The following HEXD variants were observed in gnomAD, a reference collection of about 807,000 sequenced individuals.
The protein encoded by HEXD is N-acetyl-beta-galactosaminidase.
A neutral mutation model predicts 54.2 loss-of-function variants in HEXD; 47 were observed. That is an observed-to-expected ratio of 0.87 (90% CI 0.69 to 1.11). The LOEUF is 1.11. Ranked by LOEUF, HEXD falls within the 50% of genes least tolerant of loss-of-function variation. The pLI, the probability that HEXD is intolerant of heterozygous loss-of-function variation, is 0.00. For missense variants in HEXD, 576 were observed against 649.2 expected, an observed-to-expected ratio of 0.89 and a Z score of 1.23; for synonymous variants, 293 against 287.6, an observed-to-expected ratio of 1.02 and a Z score of -0.19.
chr17:82,439,547 C>T (rs2053866840), intron 8 of HEXD, 84 bp from the exon 9 acceptor site: 1 of 1,494,638 alleles, frequency 6.7e-7, no homozygotes, highest in Non-Finnish European at 8.9e-7. Context: ...CCTGGAACAA[C>T]AGCAGGGACG....
At chr17:82,438,815 C>T (rs562388868) in intron 8 of HEXD, among the ~76,000 whole-genome samples, 2 of 152,396 alleles carry the variant, frequency 1.3e-5, no homozygotes, top group East Asian at 3.9e-4. Flanking sequence ...CTGGCAGCGG[C>T]TCTGCAGAAG....
At chr17:82,441,768 C>A (rs1299636208) in intron 11 of HEXD, 32 bp from the exon 12 acceptor site, 1 of 1,590,752 alleles carries the variant, frequency 6.3e-7, no homozygotes, top group Non-Finnish European at 8.6e-7. Flanking sequence ...CCTTGGTAGC[C>A]CGCGGCACAC....
intron 4 of HEXD, among the ~76,000 whole-genome samples, chr17:82,432,175 G>C (rs778088821): frequency 6.6e-6 from 1 of 152,194 alleles, no homozygotes; most frequent in Non-Finnish European, 1.5e-5. Flanking sequence ...GGGCGGTGGG[G>C]GGTGCATCCC....
chr17:82,430,814 A>G (rs1307838945), intron 4 of HEXD, among the ~76,000 whole-genome samples: 1 of 151,896 alleles, frequency 6.6e-6, no homozygotes, highest in African/African-American at 2.4e-5. Context: ...TGTAATTTGC[A>G]GGTATTCTCC....
intron 2 of HEXD, among the ~76,000 whole-genome samples, chr17:82,421,322 G>A (rs989014443): frequency 6.6e-6 from 1 of 152,130 alleles, no homozygotes; most frequent in African/African-American, 2.4e-5. Context: ...CCCCCACTAA[G>A]GACAAAACAG....
intron 12 of HEXD, 56 bp downstream of exon 12, chr17:82,441,945 C>G (rs2053992737): frequency 7.2e-6 from 11 of 1,532,106 alleles, no homozygotes; most frequent in South Asian, 6.7e-5. Flanking sequence ...AGAACTGCTG[C>G]TGTTGCTGAC....
chr17:82,424,534 C>A, intron 3 of HEXD, 31 bp downstream of exon 3: 1 of 1,513,942 alleles, frequency 6.6e-7, no homozygotes, highest in South Asian at 1.1e-5. Flanking sequence ...TACAGGGGCG[C>A]GGCGTGAAAG....
At chr17:82,437,676 G>A (rs1008259292) in intron 8 of HEXD, among the ~76,000 whole-genome samples, 11 of 152,046 alleles carry the variant, frequency 7.2e-5, no homozygotes, top group Non-Finnish European at 1.3e-4. Context: ...GAGGGGTTTC[G>A]GTTCTTTCAG....
intron 3 of HEXD, among the ~76,000 whole-genome samples, 196 bp from the exon 4 acceptor site, chr17:82,428,362 G>C (rs1238086438): frequency 6.6e-6 from 1 of 152,180 alleles, no homozygotes; most frequent in Admixed American, 6.5e-5. Flanking sequence ...TTGAGGACGT[G>C]CTAGAACATC....
intron 5 of HEXD, among the ~76,000 whole-genome samples, chr17:82,435,137 C>T (rs1455525092): frequency 6.6e-6 from 1 of 152,220 alleles, no homozygotes; most frequent in Non-Finnish European, 1.5e-5. Context: ...GGCAACAGAG[C>T]AAGACCCTGT....
Position 82,442,018 on chromosome 17 carries a change from T to C in HEXD, c.1253+129T>C, listed in dbSNP as rs2053996829. ...TTGTAAAAGGCCCTCTGGTCTCAGA[T>C]GTGCAGCTGTCACCGACTTGTTCCT... is the stretch of plus-strand genomic sequence containing the variant. On this transcript the variant is annotated intron_variant, in intron 12 of 12. Coordinates refer to ENST00000327949, the MANE Select transcript of HEXD (RefSeq NM_001330542.2). The surrounding 1 kb of genome is among the most constrained non-coding windows in gnomAD (Gnocchi z 6.8). The C allele has an allele frequency of 3.1e-6, 4 of 1,288,206 alleles. No individual in the cohort carries two copies. Among genetic ancestry groups the C allele is most frequent in the Non-Finnish European group, 3.3e-6 (3 of 910,540 alleles). 79.8% of individuals were successfully genotyped at this position (1,288,206 alleles called of 1,614,324 possible).
rs373585858 is a variant in HEXD, at chr17:82,436,680, G to A, written c.645G>A (p.Pro215=). 1.4e-3 allele frequency: 2,221 copies of A among 1,611,154 alleles called. 5 individuals carry two copies. Among genetic ancestry groups the A allele is most frequent in the Non-Finnish European group, 1.5e-3 (1,790 of 1,179,396 alleles). ...CTCTGTCTGCAGCGTCCGGGGTGCC[G>A]CAGCTGGTGGAGCCGGTGCTCTGGG... ...PEDQLAASGV[P]QLVEPVLWDY... The change falls in exon 7 of 13, where the codon CCG becomes CCA. Residue 215 remains proline, a synonymous_variant. Coordinates refer to ENST00000327949, the MANE Select transcript of HEXD (RefSeq NM_001330542.2).
chr17:82,436,205 C>T (rs1292022172), intron 6 of HEXD, among the ~76,000 whole-genome samples: 4 of 152,260 alleles, frequency 2.6e-5, no homozygotes, highest in Admixed American at 6.5e-5. Context: ...GCCCTGCTCG[C>T]TCTGCCTGAG....
intron 4 of HEXD, among the ~76,000 whole-genome samples, chr17:82,433,106 ATATATATATATATATATATATAT>A (rs2053641497): frequency 6.3e-5 from 1 of 15,864 alleles, no homozygotes; most frequent in Non-Finnish European, 9.3e-5. Context: ...ATATATATAT[ATATATATATATATATATATATAT>A]TTTTTTTTTT....
At chr17:82,424,962 AAG>A (rs1457962882) in intron 3 of HEXD, among the ~76,000 whole-genome samples, 1 of 144,614 alleles carries the variant, frequency 6.9e-6, no homozygotes, top group Admixed American at 6.9e-5. Context: ...TGGACTACAG[AAG>A]GTTAGAGAAG....
chr17:82,439,490 T>C, intron 8 of HEXD, 141 bp from the exon 9 acceptor site: 1 of 1,435,236 alleles, frequency 7.0e-7, no homozygotes, highest in Non-Finnish European at 9.1e-7. Context: ...CTGGGCCCCA[T>C]GGGTTGAGGG....
intron 8 of HEXD, 81 bp downstream of exon 8, chr17:82,437,444 G>A (rs1338719100): frequency 1.6e-6 from 2 of 1,276,876 alleles, no homozygotes; most frequent in African/African-American, 3.0e-5. Context: ...CGTCCGCCAA[G>A]GGCCTTCCCA....
intron 1 of HEXD, among the ~76,000 whole-genome samples, chr17:82,419,101 A>G (rs556728378): frequency 9.5e-4 from 144 of 152,304 alleles, no homozygotes; most frequent in African/African-American, 3.3e-3. Context: ...TTCATAGTAG[A>G]TAGGAAAAAT....
rs776116058 is a variant in HEXD, at chr17:82,441,826, ACCACCGCCAGCGGAAGCTCAT to A, written c.1196_1216del (p.Arg399_His405del). ...TATGTCACTGGCTGGTTCAGCCCCTACCACCGCCAGCGGAAGCTCATCCACCCGGTCATGGTTCAGCACATC... is the reference window on the plus strand; with the variant it reads ...TATGTCACTGGCTGGTTCAGCCCCTACCACCCGGTCATGGTTCAGCACATC... On this transcript the variant is annotated inframe_deletion, in exon 12 of 13. Transcript: ENST00000327949. The A allele has an allele frequency of 1.2e-6, 2 of 1,612,818 alleles. No homozygotes were observed. The highest frequency in any genetic ancestry group is 2.7e-5 in the African/African-American group (2 of 74,988).
Sources: allele counts gnomAD v4.1 joint callset (sites outside exome capture counted in the v4.1 genomes callset), GRCh38; gene constraint gnomAD v4.1.1; non-coding constraint Gnocchi (gnomAD v3.1); transcripts MANE v1.5; gene names NCBI Gene and HGNC (gene_info 2026-07-23, HGNC 2026-07-21).